LHFPL3: variants seen among roughly 807,000 people sequenced by gnomAD.
LHFPL3 encodes the protein LHFPL tetraspan subfamily member 3, also known as LHFPL tetraspan subfamily member 3 protein.
Under a neutral mutation model 19.3 loss-of-function variants are expected in LHFPL3, and 5 were observed. The observed-to-expected ratio is 0.26, with a 90% CI of 0.14 to 0.54. The LOEUF (loss-of-function observed/expected upper bound fraction) is 0.54, where lower values mean the gene tolerates loss of function less well. LHFPL3 is among the 20% of genes least tolerant of loss of function. The pLI is 0.94. For missense variants in LHFPL3, 249 were observed against 307.4 expected (o/e 0.81, Z 1.42); for synonymous variants, 133 against 126.2 (o/e 1.05, Z -0.36).
chr7:104,809,067 G>A (rs1039187433), intron 2 of LHFPL3, among the ~76,000 whole-genome samples: 1 of 151,826 alleles, frequency 6.6e-6, no homozygotes, highest in East Asian at 1.9e-4. Flanking sequence ...GCTAATTTTT[G>A]TATTTTTAGT....
intron 1 of LHFPL3, among the ~76,000 whole-genome samples, chr7:104,512,957 G>A (rs1793848743): frequency 6.6e-6 from 1 of 152,104 alleles, no homozygotes; most frequent in Admixed American, 6.6e-5. Flanking sequence ...CCTTCCTTAA[G>A]CTTCCTTTAG....
At chr7:104,853,955 A>C (rs1315168084) in intron 2 of LHFPL3, among the ~76,000 whole-genome samples, 1 of 152,208 alleles carries the variant, frequency 6.6e-6, no homozygotes, top group Non-Finnish European at 1.5e-5. Context: ...AAGAAACTTA[A>C]AAGTAAAAAG....
intron 2 of LHFPL3, among the ~76,000 whole-genome samples, chr7:104,862,738 T>A (rs1235842208): frequency 6.6e-6 from 1 of 152,132 alleles, no homozygotes; most frequent in African/African-American, 2.4e-5. Context: ...TGGGGCCAGC[T>A]TTCCAAGGAG....
chr7:104,869,634 C>T (rs1791794029), intron 2 of LHFPL3, among the ~76,000 whole-genome samples: 2 of 152,248 alleles, frequency 1.3e-5, no homozygotes, highest in South Asian at 4.1e-4. Context: ...CACTTTTACA[C>T]TGTTGGTGGG....
chr7:104,607,676 A>G (rs1436931418), intron 1 of LHFPL3, among the ~76,000 whole-genome samples: 2 of 152,198 alleles, frequency 1.3e-5, no homozygotes, highest in African/African-American at 2.4e-5. Context: ...GAGCTTCTGC[A>G]CAGCAAAAGA....
chr7:104,334,541 C>A (rs1047413393), intron 1 of LHFPL3, among the ~76,000 whole-genome samples: 1 of 152,164 alleles, frequency 6.6e-6, no homozygotes, highest in Non-Finnish European at 1.5e-5. Flanking sequence ...AGTGAGACTC[C>A]ATCTCAAAAG....
Position 104,328,767 on chromosome 7 carries a change from GA to G in LHFPL3, c.-12del. On this transcript the variant is annotated 5_prime_UTR_variant, in exon 1 of 3. Coordinates refer to ENST00000424859, the MANE Select transcript of LHFPL3 (RefSeq NM_199000.3). The surrounding 1 kb of genome is among the most constrained non-coding windows in gnomAD (Gnocchi z 4.6). ...GGACCAGGAGGAGGAGGAGGAGGAG[GA>G]GGAGGGGGAGAATGCCCGGAGCCGC... The G allele has an allele frequency of 1.3e-6, 2 of 1,563,950 alleles. No homozygotes were observed. Among genetic ancestry groups the G allele is most frequent in the African/African-American group, 1.4e-5 (1 of 73,576 alleles).
At chr7:104,480,097 A>G (rs1793101815) in intron 1 of LHFPL3, among the ~76,000 whole-genome samples, 1 of 152,214 alleles carries the variant, frequency 6.6e-6, no homozygotes, top group Non-Finnish European at 1.5e-5. Flanking sequence ...TATGAGAAGA[A>G]GAAAGCCTTG....
chr7:104,702,568 T>A (rs1178805533), intron 1 of LHFPL3, among the ~76,000 whole-genome samples: 1 of 152,208 alleles, frequency 6.6e-6, no homozygotes, highest in African/African-American at 2.4e-5. Context: ...GCTTTTCTCT[T>A]AAATTAAAGG....
chr7:104,851,443 T>C (rs1170808485), intron 2 of LHFPL3, among the ~76,000 whole-genome samples: 1 of 152,190 alleles, frequency 6.6e-6, no homozygotes, highest in East Asian at 1.9e-4. Flanking sequence ...TTAGTGATGC[T>C]TTCCCAATAG....
intron 1 of LHFPL3, among the ~76,000 whole-genome samples, chr7:104,522,288 C>CA (rs1320638249): frequency 6.7e-6 from 1 of 149,982 alleles, no homozygotes; most frequent in Non-Finnish European, 1.5e-5. Context: ...ATCACAAGAA[C>CA]AAAAAACCAA....
chr7:104,465,653 T>C (rs1417386484), intron 1 of LHFPL3, among the ~76,000 whole-genome samples: 1 of 152,014 alleles, frequency 6.6e-6, no homozygotes, highest in Non-Finnish European at 1.5e-5. Context: ...AACCATCAGA[T>C]CTTGTGAGAA....
chr7:104,565,673 C>CT (rs138757133), intron 1 of LHFPL3, among the ~76,000 whole-genome samples: 4,121 of 149,196 alleles, frequency 0.028, 200 homozygotes, highest in African/African-American at 0.096. Flanking sequence ...AACAGTTAGA[C>CT]TTTTTTTTTT....
chr7:104,780,074 C>A (rs1794694291), intron 2 of LHFPL3, among the ~76,000 whole-genome samples: 1 of 152,216 alleles, frequency 6.6e-6, no homozygotes. Flanking sequence ...TTAACACCAG[C>A]CCTTGGCCCC....
intron 2 of LHFPL3, among the ~76,000 whole-genome samples, chr7:104,772,923 C>T (rs944599040): frequency 1.1e-4 from 16 of 152,216 alleles, no homozygotes; most frequent in Middle Eastern, 3.2e-3. Flanking sequence ...CTGTTAACAG[C>T]GCTGTCAACA....
chr7:104,746,379 T>C (rs1794046899), intron 2 of LHFPL3, among the ~76,000 whole-genome samples: 1 of 151,984 alleles, frequency 6.6e-6, no homozygotes, highest in Non-Finnish European at 1.5e-5. Context: ...ATGAAGTAGA[T>C]CTAGGAATGA....
At chr7:104,389,701 A>G (rs1791022961) in intron 1 of LHFPL3, among the ~76,000 whole-genome samples, 1 of 152,192 alleles carries the variant, frequency 6.6e-6, no homozygotes, top group Admixed American at 6.6e-5. Context: ...GTCCAGAAAT[A>G]TATGTACACA....
At chr7:104,750,756 A>AG (rs1346411952) in intron 2 of LHFPL3, among the ~76,000 whole-genome samples, 1 of 151,982 alleles carries the variant, frequency 6.6e-6, no homozygotes, top group Non-Finnish European at 1.5e-5. Context: ...CACTTGGGAC[A>AG]GGGGGGGTTG....
At chr7:104,737,365 G>A (rs1793848242) in intron 2 of LHFPL3, among the ~76,000 whole-genome samples, 1 of 152,110 alleles carries the variant, frequency 6.6e-6, no homozygotes, top group South Asian at 2.1e-4. Context: ...TGTGATAATT[G>A]AATTCAGACC....
Sources: gnomAD v4.1 joint callset for allele counts (sites outside exome capture counted in the v4.1 genomes callset) on GRCh38, gnomAD v4.1.1 for gene constraint, Gnocchi (gnomAD v3.1) non-coding constraint, MANE v1.5 for transcripts, NCBI Gene and HGNC (gene_info 2026-07-23, HGNC 2026-07-21) for gene names.